The following PCDH17 variants were observed in gnomAD, a reference collection of about 807,000 sequenced individuals.
The protein encoded by PCDH17 is protocadherin-17.
In PCDH17, 21 loss-of-function variants were observed where a neutral mutation model predicts 67.7. The observed-to-expected ratio is 0.31, with a 90% CI of 0.22 to 0.45. PCDH17 has a LOEUF of 0.45. PCDH17 is among the 20% of genes least tolerant of loss of function. PCDH17 has a pLI of 1.00. For synonymous variants in PCDH17, 701 were observed against 656.7 expected (o/e 1.07, Z -1.03); for missense variants, 1,471 against 1,564.8 (o/e 0.94, Z 1.01).
intron 3 of PCDH17, among the ~76,000 whole-genome samples, chr13:57,672,145 AT>A (rs1935677256): frequency 2.6e-5 from 4 of 152,068 alleles, no homozygotes; most frequent in Non-Finnish European, 5.9e-5. Flanking sequence ...AATATCAAAT[AT>A]CTTTGGTTTG....
intron 3 of PCDH17, among the ~76,000 whole-genome samples, chr13:57,690,540 T>G (rs1955549245): frequency 6.6e-6 from 1 of 151,522 alleles, no homozygotes; most frequent in Non-Finnish European, 1.5e-5. Context: ...AACCTAAAAT[T>G]ATTGTCATAA....
intron 3 of PCDH17, among the ~76,000 whole-genome samples, chr13:57,708,812 A>T (rs1346784735): frequency 6.6e-6 from 1 of 151,880 alleles, no homozygotes; most frequent in Non-Finnish European, 1.5e-5. Context: ...AGTTACTCTC[A>T]CTCACCAACA....
At chr13:57,668,599 T>A (rs888999050) in intron 3 of PCDH17, among the ~76,000 whole-genome samples, 1 of 152,068 alleles carries the variant, frequency 6.6e-6, no homozygotes, top group African/African-American at 2.4e-5. Context: ...AAAAAGCTAT[T>A]TTTTCAATTT....
At position 57,632,630 on chromosome 13, in the gene PCDH17, G is replaced by A. The variant is rs138030734; in HGVS notation, c.84G>A (p.Glu28=). 6 of 1,613,564 alleles carry A rather than the reference G, an allele frequency of 3.7e-6. No homozygotes were observed. The South Asian group carries it at 4.4e-5, about 12-fold the overall frequency. The part of the protein sequence containing the change: ...LKNLNYSVPE[E]QGAGTVIGNI... ...ACCTCAACTACTCCGTGCCGGAGGAGCAAGGGGCCGGCACGGTGATCGGGA... is the reference window on the plus strand; with the variant it reads ...ACCTCAACTACTCCGTGCCGGAGGAACAAGGGGCCGGCACGGTGATCGGGA... The change falls in exon 1 of 4, where the codon GAG becomes GAA. Residue 28 remains glutamate (E), a synonymous_variant. Transcript: ENST00000377918.
At position 57,633,015 on chromosome 13, in the gene PCDH17, C is replaced by G; in HGVS notation, c.469C>G (p.His157Asp). 1.2e-6 allele frequency: 2 copies of G among 1,613,102 alleles called. No individual in the cohort carries two copies. Among genetic ancestry groups the G allele is most frequent in the Non-Finnish European group, 1.7e-6 (2 of 1,179,976 alleles). Residue 157 changes from histidine (H) to aspartate (D), a missense_variant, in exon 1 of 4, where the codon CAT becomes GAT. His to Asp is a moderately conservative substitution (Grantham distance 81). Transcript: ENST00000377918. The surrounding 1 kb of genome is among the most constrained non-coding windows in gnomAD (Gnocchi z 6.2). ...CACCCGCTTCCCCCTCACCAGCGCA[C>G]ATGACCCCGACGCCGGCGAGAATGG... ...PGTRFPLTSA[H>D]DPDAGENGLR...
chr13:57,674,937 T>C (rs1205853274), intron 3 of PCDH17, among the ~76,000 whole-genome samples: 2 of 151,898 alleles, frequency 1.3e-5, no homozygotes, highest in Non-Finnish European at 2.9e-5. Context: ...CAGTTTCCAT[T>C]GAGTCTTCAG....
Position 57,666,833 on chromosome 13 carries a change from G to A in PCDH17, c.2797G>A (p.Glu933Lys). The part of the protein sequence containing the change: ...TSTKSQPLEQ[E>K]PEECVNCTDE... ...AACTAAAAGCCAACCACTTGAACAAGGTGAGTGAAGTCTTCCAATGCTTAC... is the reference window on the plus strand; with the variant it reads ...AACTAAAAGCCAACCACTTGAACAAAGTGAGTGAAGTCTTCCAATGCTTAC... Residue 933 changes from glutamate to lysine, a missense_variant and splice_region_variant, in exon 3 of 4, where the codon GAA becomes AAA. Glu to Lys is a moderately conservative substitution (Grantham distance 56, BLOSUM62 1). Around this residue, in one of 3 missense-constraint regions of PCDH17, gnomAD observed 297 missense variants for 298.6 expected, o/e 0.99. Coordinates refer to ENST00000377918, the MANE Select transcript of PCDH17 (RefSeq NM_001040429.3). 1 of 1,601,890 alleles carries A rather than the reference G, an allele frequency of 6.2e-7. No individual in the cohort carries two copies.
chr13:57,683,134 G>A (rs1180429957), intron 3 of PCDH17, among the ~76,000 whole-genome samples: 7 of 151,864 alleles, frequency 4.6e-5, no homozygotes, highest in Non-Finnish European at 1.0e-4. Flanking sequence ...AGTGGCCATA[G>A]CCCATGTGAG....
At chr13:57,702,366 T>C (rs1168815583) in intron 3 of PCDH17, among the ~76,000 whole-genome samples, 3 of 151,992 alleles carry the variant, frequency 2.0e-5, no homozygotes, top group African/African-American at 7.2e-5. Flanking sequence ...AACCTAATAG[T>C]AGCATTCACT....
In PCDH17 at chr13:57,666,483, G is replaced by T. The variant is rs756164339; in HGVS notation, c.2581G>T (p.Ala861Ser). The T allele has an allele frequency of 5.0e-6, 8 of 1,613,314 alleles. No homozygotes were observed. The highest frequency in any genetic ancestry group is 2.2e-5 in the East Asian group (1 of 44,874). ...TCTTTCACAGACAGACAATTTTCCC[G>T]CAGAGCCCAATTACATGGGCAGCAG... ...MSIIQTDNFP[A>S]EPNYMGSRQQ... The change falls in exon 2 of 4, where the codon GCA becomes TCA. Residue 861 changes from alanine to serine, a missense_variant. Physicochemically the swap from Ala to Ser is moderately conservative, Grantham distance 99 (BLOSUM62 1). Transcript: ENST00000377918.
intron 3 of PCDH17, among the ~76,000 whole-genome samples, chr13:57,699,538 T>A (rs1955643243): frequency 6.6e-6 from 1 of 152,062 alleles, no homozygotes; most frequent in Admixed American, 6.6e-5. Context: ...TTTATCCTTC[T>A]TTTGTTTTTA....
At chr13:57,699,419 A>G (rs1178507898) in intron 3 of PCDH17, among the ~76,000 whole-genome samples, 1 of 152,078 alleles carries the variant, frequency 6.6e-6, no homozygotes, top group Non-Finnish European at 1.5e-5. Context: ...GAGCGGCACC[A>G]GAATTCTTTC....
chr13:57,677,394 T>C (rs1955403764), intron 3 of PCDH17, among the ~76,000 whole-genome samples: 2 of 151,896 alleles, frequency 1.3e-5, no homozygotes, highest in South Asian at 4.1e-4. Flanking sequence ...AGATTTCATG[T>C]AAGAGTTAAA....
At chr13:57,630,772 G>C (rs1385316593), upstream of PCDH17, among the ~76,000 whole-genome samples, 3 of 152,156 alleles carry the variant, frequency 2.0e-5, no homozygotes, top group African/African-American at 7.2e-5. Context: ...CAGAGAAAGC[G>C]TTAGGAAGAA....
chr13:57,644,597 C>G (rs966395049), intron 1 of PCDH17, among the ~76,000 whole-genome samples: 1 of 151,508 alleles, frequency 6.6e-6, no homozygotes, highest in Non-Finnish European at 1.5e-5. Flanking sequence ...ACAATACCCC[C>G]CTTGGGCAGA....
intron 3 of PCDH17, among the ~76,000 whole-genome samples, chr13:57,707,015 T>C (rs1270933592): frequency 6.6e-6 from 1 of 152,120 alleles, no homozygotes; most frequent in Non-Finnish European, 1.5e-5. Flanking sequence ...ACAAAAGTAA[T>C]TGTGGTTTTT....
intron 1 of PCDH17, among the ~76,000 whole-genome samples, chr13:57,657,823 A>G (rs1955127374): frequency 6.6e-6 from 1 of 152,194 alleles, no homozygotes. Context: ...AATTTGGCTG[A>G]TTTTATAATT....
At chr13:57,718,470 T>G (rs1158915245) in intron 3 of PCDH17, among the ~76,000 whole-genome samples, 1 of 152,020 alleles carries the variant, frequency 6.6e-6, no homozygotes, top group East Asian at 1.9e-4. Context: ...AAATGGGACA[T>G]AGAAGTCATA....
intron 3 of PCDH17, among the ~76,000 whole-genome samples, chr13:57,716,853 T>C (rs557276901): frequency 1.3e-5 from 2 of 152,014 alleles, no homozygotes; most frequent in South Asian, 2.1e-4. Flanking sequence ...CTTGAAAACT[T>C]TCAATTCCTA....
Sources: gnomAD v4.1 joint callset for allele counts (sites outside exome capture counted in the v4.1 genomes callset) on GRCh38, gnomAD v4.1.1 for gene constraint, gnomAD v4.1.1 regional missense constraint, Gnocchi (gnomAD v3.1) non-coding constraint, MANE v1.5 for transcripts, NCBI Gene and HGNC (gene_info 2026-07-23, HGNC 2026-07-21) for gene names.